Variants in INPP5B observed in about 807,000 individuals in gnomAD.
The protein encoded by INPP5B is inositol polyphosphate-5-phosphatase B.
In INPP5B, 90 loss-of-function variants were observed where a neutral mutation model predicts 118.5. The observed-to-expected ratio is 0.76, with a 90% CI of 0.64 to 0.90. INPP5B has a LOEUF of 0.90. Among genes scored for constraint, INPP5B ranks in the 40% least tolerant of loss-of-function variants. The pLI, the probability that INPP5B is intolerant of heterozygous loss-of-function variation, is 0.00. For synonymous variants in INPP5B, 385 were observed against 418.9 expected (o/e 0.92, Z 0.99); for missense variants, 984 against 1,125.6 (o/e 0.87, Z 1.80).
intron 7 of INPP5B, among the ~76,000 whole-genome samples, chr1:37,897,105 AGGTCGGGGG>A (rs962892056): frequency 7.3e-6 from 1 of 137,090 alleles, no homozygotes; most frequent in Non-Finnish European, 1.6e-5. Context: ...TCCAGGAGGG[AGGTCGGGGG>A]GGTCAGACCC....
intron 13 of INPP5B, chr1:37,883,797 G>A (rs561638153): frequency 2.9e-5 from 29 of 985,264 alleles, no homozygotes; most frequent in African/African-American, 3.5e-5. Flanking sequence ...GTTCCACCTC[G>A]GCAGGCAGGA....
chr1:37,938,287 A>AAATC lies in INPP5B; in HGVS notation c.391+2400_391+2401insGATT, dbSNP rs1208616104. On this transcript the variant is annotated intron_variant, in intron 6 of 23. Coordinates refer to ENST00000373024, the MANE Select transcript of INPP5B (RefSeq NM_005540.3). ...CTGTCTCAAAAATAAATAAATAAAT[A>AAATC]AATAAATAAATAAATAAAATTAACA... 1.6e-4 allele frequency among the ~76,000 whole-genome samples: 23 copies of AAATC among 140,984 alleles called. No individual in the cohort carries two copies. In the East Asian group the frequency reaches 3.1e-3, roughly 19 times the overall value. 92.5% of individuals were successfully genotyped at this position (140,984 alleles called of 152,430 possible).
rs754943250 is a variant in INPP5B at position 37,874,170 on chromosome 1, G to A, written c.1789-15C>T. 1.0e-5 allele frequency: 16 copies of A among 1,540,990 alleles called. No homozygotes were observed. Among genetic ancestry groups the A allele is most frequent in the Non-Finnish European group, 1.2e-5 (14 of 1,128,818 alleles). On this transcript the variant is annotated splice_polypyrimidine_tract_variant and intron_variant, in intron 17 of 23. Coordinates refer to ENST00000373024, the MANE Select transcript of INPP5B (RefSeq NM_005540.3). Reference sequence around the variant, plus strand: ...TGAAAACAGAACTGGGAAGAAGCCCGGGGCCAGTGAAAACCAGTGCCCTTT... The same window carrying A: ...TGAAAACAGAACTGGGAAGAAGCCCAGGGCCAGTGAAAACCAGTGCCCTTT...
Position 37,886,901 on chromosome 1 carries a change from A to G in INPP5B, c.1118T>C (p.Ile373Thr). The G allele has an allele frequency of 6.2e-7, 1 of 1,614,002 alleles. No homozygotes were observed. The highest frequency in any genetic ancestry group is 8.5e-7 in the Non-Finnish European group (1 of 1,179,908). ...CCAAGGACTCACCATCCTCCCCATG[A>G]TTCCTGTCCCCACAGTCTCGGCTTC... ...EVEAETVGTG[I>T]MGRMGNKGGV... Residue 373 changes from isoleucine to threonine, a missense_variant, in exon 12 of 24, where the codon ATC becomes ACC. Transcript: ENST00000373024.
At chr1:37,925,994 G>T (rs1345914840) in intron 7 of INPP5B, among the ~76,000 whole-genome samples, 2 of 152,172 alleles carry the variant, frequency 1.3e-5, no homozygotes, top group Admixed American at 1.3e-4. Context: ...ATAAACAAAA[G>T]CAAATTTATT....
intron 7 of INPP5B, among the ~76,000 whole-genome samples, chr1:37,903,626 C>G (rs1644406765): frequency 2.0e-5 from 3 of 152,050 alleles, no homozygotes; most frequent in African/African-American, 7.3e-5. Context: ...ACTTGGGAGG[C>G]TGAGGCAGGA....
Position 37,861,958 on chromosome 1 carries a change from C to T in INPP5B, c.*357G>A, listed in dbSNP as rs947737216. 1 of 179,938 alleles carries T rather than the reference C, an allele frequency of 5.6e-6. No individual in the cohort carries two copies. Among genetic ancestry groups the T allele is most frequent in the Non-Finnish European group, 1.2e-5 (1 of 85,206 alleles). The allele number at this position is 179,938 out of a possible 1,614,324, so 11.1% of individuals were successfully genotyped here. A position where few individuals can be genotyped will look rare whatever the true frequency, so the allele number is the denominator to read the frequency against. On this transcript the variant is annotated 3_prime_UTR_variant, in exon 24 of 24. Transcript: ENST00000373024. Reference sequence around the variant, plus strand: ...GGCTGAGGCAGGATAATTGCTTGCACCCAGGAGGCAGAGGTTGCAGTGAGC... The same window carrying T: ...GGCTGAGGCAGGATAATTGCTTGCATCCAGGAGGCAGAGGTTGCAGTGAGC...
At chr1:37,928,237 G>A (rs533434988) in intron 7 of INPP5B, among the ~76,000 whole-genome samples, 2 of 151,840 alleles carry the variant, frequency 1.3e-5, no homozygotes, top group East Asian at 3.9e-4. Context: ...GCAATGCCGC[G>A]ATCTCAGCTC....
intron 7 of INPP5B, among the ~76,000 whole-genome samples, chr1:37,897,070 C>A (rs1225051552): frequency 6.8e-6 from 1 of 147,740 alleles, no homozygotes; most frequent in African/African-American, 2.5e-5. Flanking sequence ...AAGTGAGGAG[C>A]CCCTCTGCCC....
intron 7 of INPP5B, 164 bp downstream of exon 7, chr1:37,931,749 C>G (rs770544978): frequency 3.6e-5 from 58 of 1,599,568 alleles, no homozygotes; most frequent in Non-Finnish European, 4.4e-5. Flanking sequence ...CATCCCGCCG[C>G]CCGTCCCGCG....
rs565506438 is a variant in INPP5B at position 37,935,882 on chromosome 1, T to C, written c.392-3829A>G. On this transcript the variant is annotated intron_variant, in intron 6 of 23. Coordinates refer to ENST00000373024, the MANE Select transcript of INPP5B (RefSeq NM_005540.3). ...GAGATCCAGACCATTCTGGCTAACA[T>C]GGTGAAACCCAGTCTCTATTAAAAA... Among the ~76,000 whole-genome samples the C allele has an allele frequency of 5.3e-5, 8 of 151,808 alleles. No homozygotes were observed. The South Asian group carries it at 1.2e-3, about 24-fold the overall frequency.
chr1:37,896,274 C>T (rs1327508135), intron 7 of INPP5B, among the ~76,000 whole-genome samples: 2 of 146,644 alleles, frequency 1.4e-5, no homozygotes, highest in African/African-American at 5.1e-5. Context: ...CCCCTCCGCC[C>T]GGCAGCCGCC....
At chr1:37,903,605 T>C (rs929734234) in intron 7 of INPP5B, among the ~76,000 whole-genome samples, 10 of 152,148 alleles carry the variant, frequency 6.6e-5, no homozygotes, top group Non-Finnish European at 1.5e-4. Context: ...CGGGTGCCTG[T>C]AGTCCCAGCT....
intron 7 of INPP5B, chr1:37,931,700 C>T: frequency 2.6e-6 from 4 of 1,535,854 alleles, no homozygotes; most frequent in Non-Finnish European, 3.5e-6. Context: ...CGAGAGCCGG[C>T]GGCGGCAGAC....
chr1:37,873,579 G>C (rs548142231), intron 18 of INPP5B, among the ~76,000 whole-genome samples: 29 of 152,268 alleles, frequency 1.9e-4, no homozygotes, highest in Middle Eastern at 3.4e-3. Flanking sequence ...CCATCACAGA[G>C]TACCATGCAG....
Position 37,869,056 on chromosome 1 carries a change from G to A in INPP5B, c.2188-442C>T, listed in dbSNP as rs865905776. ...CACCCAGGCTGGAGTGCAATGGCAC[G>A]ATCTCGGCTCACTACAACCTCCACC... On this transcript the variant is annotated intron_variant, in intron 19 of 23. Coordinates refer to ENST00000373024, the MANE Select transcript of INPP5B (RefSeq NM_005540.3). Among the ~76,000 whole-genome samples the A allele has an allele frequency of 4.5e-4, 68 of 152,106 alleles. 1 individual carries two copies. The highest frequency in any genetic ancestry group is 6.8e-3 in the Middle Eastern group (2 of 294).
chr1:37,897,923 G>A (rs1263549879), intron 7 of INPP5B, among the ~76,000 whole-genome samples: 1 of 151,258 alleles, frequency 6.6e-6, no homozygotes, highest in Non-Finnish European at 1.5e-5. Flanking sequence ...GTGACAGAGG[G>A]AGATCCCACC....
chr1:37,866,406 T>TCTCTCACA (rs748938943), intron 21 of INPP5B, 53 bp downstream of exon 21: 75 of 404,266 alleles, frequency 1.9e-4, no homozygotes, highest in South Asian at 1.1e-3. Context: ...TCTCTCTCTC[T>TCTCTCACA]CACACACACA....
intron 22 of INPP5B, among the ~76,000 whole-genome samples, chr1:37,865,523 CACATG>C (rs1218080168): frequency 6.6e-6 from 1 of 152,018 alleles, no homozygotes; most frequent in African/African-American, 2.4e-5. Flanking sequence ...CGAGACTGGG[CACATG>C]GGAGGCAAGG....
Sources: gnomAD v4.1 joint callset for allele counts (sites outside exome capture counted in the v4.1 genomes callset) on GRCh38, gnomAD v4.1.1 for gene constraint, MANE v1.5 for transcripts, NCBI Gene and HGNC (gene_info 2026-07-23, HGNC 2026-07-21) for gene names.